The following ADGRL3 variants were observed in gnomAD, a reference collection of about 807,000 sequenced individuals.
ADGRL3 encodes the protein adhesion G protein-coupled receptor L3.
Under a neutral mutation model 153.5 loss-of-function variants are expected in ADGRL3, and 62 were observed. The observed-to-expected ratio is 0.40, with a 90% confidence interval of 0.33 to 0.50. The LOEUF is 0.50. Ranked by LOEUF, ADGRL3 falls within the 20% of genes least tolerant of loss-of-function variation. ADGRL3 has a pLI of 0.47. For synonymous variants in ADGRL3, 710 were observed against 672.5 expected (o/e 1.06, Z -0.86); for missense variants, 1,641 against 1,859.4 (o/e 0.88, Z 2.16).
chr4:61,205,763 G>T (rs550020678), intron 1 of ADGRL3, among the ~76,000 whole-genome samples: 79 of 152,240 alleles, frequency 5.2e-4, no homozygotes, highest in African/African-American at 1.7e-3. Flanking sequence ...CTAGGGAGTT[G>T]TTGATCAATG....
At chr4:61,337,882 C>T (rs1287215946) in intron 1 of ADGRL3, among the ~76,000 whole-genome samples, 3 of 152,142 alleles carry the variant, frequency 2.0e-5, no homozygotes, top group Non-Finnish European at 4.4e-5. Flanking sequence ...CACATACTCT[C>T]TCTCTCTCTA....
intron 16 of ADGRL3, among the ~76,000 whole-genome samples, chr4:61,947,546 C>T (rs192070093): frequency 6.6e-6 from 1 of 152,254 alleles, no homozygotes; most frequent in Admixed American, 6.5e-5. Flanking sequence ...ACTCACTTCA[C>T]TTTGGTAACC....
chr4:61,877,971 T>A (rs1307102577), intron 9 of ADGRL3, among the ~76,000 whole-genome samples: 1 of 152,202 alleles, frequency 6.6e-6, no homozygotes, highest in Non-Finnish European at 1.5e-5. Flanking sequence ...CTCTCTTGCT[T>A]GCTGTCATGT....
intron 1 of ADGRL3, among the ~76,000 whole-genome samples, chr4:61,235,160 A>G (rs1391584921): frequency 6.6e-6 from 1 of 152,202 alleles, no homozygotes. Flanking sequence ...GATGACACTC[A>G]GTAAATGTTA....
intron 6 of ADGRL3, among the ~76,000 whole-genome samples, chr4:61,722,320 T>C (rs2096256491): frequency 6.6e-6 from 1 of 152,186 alleles, no homozygotes; most frequent in Admixed American, 6.5e-5. Context: ...TGAATTAATC[T>C]TGGAACGGTA....
chr4:61,283,938 G>C (rs951115802), intron 1 of ADGRL3, among the ~76,000 whole-genome samples: 1 of 151,880 alleles, frequency 6.6e-6, no homozygotes, highest in African/African-American at 2.4e-5. Flanking sequence ...CCACATTCTA[G>C]AACATCCCCC....
rs869223130 is a variant in ADGRL3 at position 61,432,570 on chromosome 4, CT to C, written c.-174+49383del. 3.8e-4 allele frequency among the ~76,000 whole-genome samples: 27 copies of C among 71,532 alleles called. 7 individuals are homozygous for C. The highest frequency in any genetic ancestry group is 1.2e-3 in the African/African-American group (18 of 14,960). The allele number at this position is 71,532 out of a possible 152,430, so 46.9% of individuals were successfully genotyped here. Reference sequence around the variant, plus strand: ...GCCTTTATAGATTTCTTTTCTTTCTCTTCCTTTCTTTCTTTCTTTCTTTCTT... The same window carrying C: ...GCCTTTATAGATTTCTTTTCTTTCTCTCCTTTCTTTCTTTCTTTCTTTCTT... On this transcript the variant is annotated intron_variant, in intron 2 of 26. Coordinates refer to ENST00000683033, the MANE Select transcript of ADGRL3 (RefSeq NM_001387552.1).
chr4:61,744,061 T>A (rs2096619366), intron 8 of ADGRL3, among the ~76,000 whole-genome samples: 1 of 152,086 alleles, frequency 6.6e-6, no homozygotes, highest in South Asian at 2.1e-4. Context: ...GGAGATTATA[T>A]CCCGCACCTG....
chr4:61,649,702 C>T (rs1181154183), intron 5 of ADGRL3, among the ~76,000 whole-genome samples: 1 of 152,180 alleles, frequency 6.6e-6, no homozygotes, highest in South Asian at 2.1e-4. Context: ...ACTCCAGTCT[C>T]TTTTTTATAG....
chr4:62,025,163 C>G (rs1717750872), intron 21 of ADGRL3, among the ~76,000 whole-genome samples: 1 of 152,012 alleles, frequency 6.6e-6, no homozygotes, highest in Admixed American at 6.6e-5. Context: ...TTTCTGCTCA[C>G]TAATCTAGCT....
At chr4:61,856,306 ATTCT>A (rs531415577) in intron 9 of ADGRL3, among the ~76,000 whole-genome samples, 225 of 143,654 alleles carry the variant, frequency 1.6e-3, no homozygotes, top group African/African-American at 5.6e-3. Flanking sequence ...CCTTCCTTCC[ATTCT>A]TTATTTCCCT....
At chr4:61,872,710 G>GA (rs1396783887) in intron 9 of ADGRL3, among the ~76,000 whole-genome samples, 3 of 150,650 alleles carry the variant, frequency 2.0e-5, no homozygotes, top group Non-Finnish European at 4.4e-5. Context: ...TTGCCATCCA[G>GA]AAAAAAATAT....
intron 9 of ADGRL3, among the ~76,000 whole-genome samples, chr4:61,816,090 A>G (rs1006046333): frequency 7.9e-5 from 12 of 152,196 alleles, no homozygotes; most frequent in Non-Finnish European, 5.9e-5. Flanking sequence ...GATTCCTACT[A>G]AACTTGAAAG....
rs35918477 is a variant in ADGRL3 at position 61,200,501 on chromosome 4, GCGCCGC to G, written c.-1485_-1480del. ...CAGATGCTGCAGCTGGTCGGGGTGG[GCGCCGC>G]CGCCGCCGCCGCCGCCGCTGCTGCT... On this transcript the variant is annotated 5_prime_UTR_variant, in exon 1 of 27. Coordinates refer to ENST00000683033, the MANE Select transcript of ADGRL3 (RefSeq NM_001387552.1). Among the ~76,000 whole-genome samples the G allele has an allele frequency of 2.6e-4, 39 of 150,410 alleles. No individual in the cohort carries two copies. In the East Asian group the frequency reaches 7.0e-3, roughly 27 times the overall value.
At chr4:61,759,178 T>C (rs1479373961) in intron 8 of ADGRL3, among the ~76,000 whole-genome samples, 1 of 152,182 alleles carries the variant, frequency 6.6e-6, no homozygotes, top group Non-Finnish European at 1.5e-5. Flanking sequence ...AGGAGTATCT[T>C]TTTGGTGTTC....
intron 6 of ADGRL3, among the ~76,000 whole-genome samples, chr4:61,712,209 C>T (rs1176664930): frequency 6.6e-5 from 10 of 151,896 alleles, no homozygotes; most frequent in Admixed American, 6.6e-4. Context: ...GTCTGGGCAA[C>T]ATATTGAGAC....
intron 4 of ADGRL3, among the ~76,000 whole-genome samples, chr4:61,532,006 A>G (rs2098620426): frequency 6.6e-6 from 1 of 152,218 alleles, no homozygotes; most frequent in Non-Finnish European, 1.5e-5. Flanking sequence ...TTCTCTGAGT[A>G]GATTACTTAT....
intron 1 of ADGRL3, among the ~76,000 whole-genome samples, chr4:61,217,945 C>G (rs1026103326): frequency 6.6e-6 from 1 of 152,138 alleles, no homozygotes; most frequent in African/African-American, 2.4e-5. Flanking sequence ...AAATATCAAT[C>G]TGGAAAACAA....
At chr4:61,463,839 G>T (rs987829711) in intron 2 of ADGRL3, among the ~76,000 whole-genome samples, 2 of 152,146 alleles carry the variant, frequency 1.3e-5, no homozygotes, top group Admixed American at 1.3e-4. Context: ...CACCAGATGT[G>T]GATGGTCATG....
Sources: allele counts gnomAD v4.1 joint callset (sites outside exome capture counted in the v4.1 genomes callset), GRCh38; gene constraint gnomAD v4.1.1; transcripts MANE v1.5; gene names NCBI Gene and HGNC (gene_info 2026-07-23, HGNC 2026-07-21).